UCN3: variants seen among roughly 807,000 people sequenced by gnomAD.
UCN3 encodes urocortin-3.
A neutral mutation model predicts 3.6 loss-of-function variants in UCN3; 3 were observed. The ratio of observed to expected loss-of-function variants is 0.83; its 90% CI spans 0.38 to 2.15. The LOEUF is 2.15. UCN3 is among the 30% of genes most tolerant of loss of function. UCN3 has a pLI of 0.06. For missense variants in UCN3, 206 were observed against 208.3 expected (o/e 0.99, Z 0.07); for synonymous variants, 100 against 93.2 (o/e 1.07, Z -0.42).
At chr10:5,370,862 C>CGCGTCTGTGTGCGTGT (rs1481819542) in intron 1 of UCN3, among the ~76,000 whole-genome samples, 1 of 45,332 alleles carries the variant, frequency 2.2e-5, no homozygotes, top group African/African-American at 9.6e-5. Context: ...CGTGTGTGTG[C>CGCGTCTGTGTGCGTGT]GTGTGTATGT....
At chr10:5,368,050 A>C (rs942262514) in intron 1 of UCN3, among the ~76,000 whole-genome samples, 1 of 152,054 alleles carries the variant, frequency 6.6e-6, no homozygotes, top group Middle Eastern at 3.4e-3. Context: ...TTCACCCAGG[A>C]TGGAGTGCAG....
rs1831471585 is a variant in UCN3, at chr10:5,374,171, G to A, written c.451G>A (p.Ala151Thr). The change falls in exon 2 of 2, where the codon GCC (alanine) becomes ACC (threonine). Residue 151 changes from alanine (A) to threonine (T), a missense_variant. Coordinates refer to ENST00000380433, the MANE Select transcript of UCN3 (RefSeq NM_053049.4). ...CCTGCGTGCCCAGGCGGCCGCCAATGCCCACCTGATGGCGCAAATTGGGAG... is the reference window on the plus strand; with the variant it reads ...CCTGCGTGCCCAGGCGGCCGCCAATACCCACCTGATGGCGCAAATTGGGAG... ...KNLRAQAAAN[A>T]HLMAQIGRKK The A allele has an allele frequency of 6.2e-7, 1 of 1,608,390 alleles. No homozygotes were observed. The highest frequency in any genetic ancestry group is 8.5e-7 in the Non-Finnish European group (1 of 1,177,356).
rs1205599484 is a variant in UCN3 at position 5,369,987 on chromosome 10, ATG to A, written c.-6-3722_-6-3721del. Among the ~76,000 whole-genome samples the A allele has an allele frequency of 2.3e-4, 4 of 17,296 alleles. 1 individual carries two copies. Among genetic ancestry groups the A allele is most frequent in the Admixed American group, 1.4e-3 (2 of 1,480 alleles). The allele number at this position is 17,296 out of a possible 152,430, so 11.3% of individuals were successfully genotyped here. ...TATGCGTGTGTATATGCGTGTGTAT[ATG>A]TGTGTATGTGTGTGTGTATGTGTGT... On this transcript the variant is annotated intron_variant, in intron 1 of 1. Transcript: ENST00000380433.
At chr10:5,371,933 A>C (rs141368539) in intron 1 of UCN3, among the ~76,000 whole-genome samples, 158 of 152,292 alleles carry the variant, frequency 1.0e-3, no homozygotes, top group Middle Eastern at 0.01. Context: ...AAAAGCCCTC[A>C]AATGTAAATA....
Position 5,373,852 on chromosome 10 carries a change from G to A in UCN3, c.132G>A (p.Glu44=). 6 of 1,614,140 alleles carry A rather than the reference G, an allele frequency of 3.7e-6. No individual in the cohort carries two copies. Among genetic ancestry groups the A allele is most frequent in the South Asian group, 1.1e-5 (1 of 91,084 alleles). ...TCAACACCGCCCTGTCTGAGGCTGA[G>A]AAGGGCCAGTGGGAGGATGCATCCC... The part of the protein sequence containing the change: ...SCLNTALSEA[E]KGQWEDASLL... Residue 44 remains glutamate, a synonymous_variant, in exon 2 of 2, where the codon GAG becomes GAA. Transcript: ENST00000380433.
rs1831380241 is a variant in UCN3 at position 5,370,626 on chromosome 10, CGTGTGTATGTGT to C, written c.-6-3084_-6-3073del. ...ATGCGTGTGTATATGCGTGTATATG[CGTGTGTATGTGT>C]GTGTATATGTGTGTGTATGTGTGTG... On this transcript the variant is annotated intron_variant, in intron 1 of 1. Transcript: ENST00000380433. Among the ~76,000 whole-genome samples, 6 of 22,796 alleles carry C rather than the reference CGTGTGTATGTGT, an allele frequency of 2.6e-4. No homozygotes were observed. In the East Asian group the frequency reaches 0.012, roughly 46 times the overall value. The allele number at this position is 22,796 out of a possible 152,430, so 15.0% of individuals were successfully genotyped here.
At position 5,370,860 on chromosome 10, in the gene UCN3, TGC is replaced by T. The variant is rs1564443689; in HGVS notation, c.-6-2853_-6-2852del. On this transcript the variant is annotated intron_variant, in intron 1 of 1. Coordinates refer to ENST00000380433, the MANE Select transcript of UCN3 (RefSeq NM_053049.4). ...GTGCGCGTGTGTGTGCGCGTGTGTGTGCGTGTGTATGTGTGTGTATATGCGTG... is the reference window on the plus strand; with the variant it reads ...GTGCGCGTGTGTGTGCGCGTGTGTGTGTGTGTATGTGTGTGTATATGCGTG... Among the ~76,000 whole-genome samples the T allele has an allele frequency of 7.6e-3, 928 of 122,374 alleles. 69 individuals are homozygous for T. Among genetic ancestry groups the T allele is most frequent in the South Asian group, 0.03 (93 of 3,084 alleles). The allele number at this position is 122,374 out of a possible 152,430, so 80.3% of individuals were successfully genotyped here.
At chr10:5,373,497 C>G (rs1554811713) in intron 1 of UCN3, among the ~76,000 whole-genome samples, 2 of 152,120 alleles carry the variant, frequency 1.3e-5, no homozygotes, top group African/African-American at 2.4e-5. Context: ...GGCAGCTGGG[C>G]CCCAGAGCTT....
In UCN3 at chr10:5,370,836, TGCGC is replaced by T. The variant is rs1360858359; in HGVS notation, c.-6-2877_-6-2874del. On this transcript the variant is annotated intron_variant, in intron 1 of 1. Transcript: ENST00000380433. ...GTGCGTGTGTGTGCGCGCGTGTGTG[TGCGC>T]GTGTGTGTGCGCGTGTGTGTGCGTG... Among the ~76,000 whole-genome samples the T allele has an allele frequency of 1.7e-4, 18 of 104,010 alleles. 1 individual carries two copies. The East Asian group carries it at 2.4e-3, about 14-fold the overall frequency. The allele number at this position is 104,010 out of a possible 152,430, so 68.2% of individuals were successfully genotyped here.
At chr10:5,368,626 C>T (rs1005183679) in intron 1 of UCN3, among the ~76,000 whole-genome samples, 5 of 152,134 alleles carry the variant, frequency 3.3e-5, no homozygotes, top group Non-Finnish European at 7.4e-5. Flanking sequence ...CCAGTATTAA[C>T]CTTTCCAAAT....
chr10:5,371,191 G>A (rs111163841), intron 1 of UCN3, among the ~76,000 whole-genome samples: 29,114 of 150,580 alleles, frequency 0.19, 3,551 homozygotes, highest in South Asian at 0.32. Context: ...ATATGTGTAC[G>A]TGTGAGGTGT....
At position 5,365,731 on chromosome 10, in the gene UCN3, G is replaced by A. The variant is rs1406886601; in HGVS notation, c.-7+501G>A. On this transcript the variant is annotated intron_variant, in intron 1 of 1. Coordinates refer to ENST00000380433, the MANE Select transcript of UCN3 (RefSeq NM_053049.4). This position sits in a 1 kb window ranked among gnomAD's most constrained non-coding sequence, Gnocchi z 4.4. ...CGTCACTCTCGGGCACACCTGTGAAGCAGGTAACGTCTCCTTCCTAGGACG... is the reference window on the plus strand; with the variant it reads ...CGTCACTCTCGGGCACACCTGTGAAACAGGTAACGTCTCCTTCCTAGGACG... 6.6e-6 allele frequency among the ~76,000 whole-genome samples: 1 copy of A among 152,192 alleles called. No individual in the cohort carries two copies. Among genetic ancestry groups the A allele is most frequent in the Non-Finnish European group, 1.5e-5 (1 of 68,036 alleles).
chr10:5,370,822 TGC>T (rs782485167), intron 1 of UCN3, among the ~76,000 whole-genome samples: 6,857 of 103,678 alleles, frequency 0.066, 829 homozygotes, highest in South Asian at 0.14. Context: ...TGCGTGTGTG[TGC>T]GCGCGTGTGT....
Position 5,373,739 on chromosome 10 carries a change from T to C in UCN3, c.19T>C (p.Phe7Leu). ...GGGAGAGATGCTGATGCCGGTCCAC[T>C]TCCTGCTGCTCCTGCTGCTGCTCCT... MLMPVH[F>L]LLLLLLLLGG... The change falls in exon 2 of 2, where the codon TTC becomes CTC. Residue 7 changes from phenylalanine to leucine, a missense_variant. Physicochemically the swap from Phe to Leu is conservative, Grantham distance 22. Coordinates refer to ENST00000380433, the MANE Select transcript of UCN3 (RefSeq NM_053049.4). 6.2e-7 allele frequency: 1 copy of C among 1,613,774 alleles called. No homozygotes were observed. Among genetic ancestry groups the C allele is most frequent in the Non-Finnish European group, 8.5e-7 (1 of 1,179,844 alleles).
chr10:5,369,631 G>T (rs1471936036), intron 1 of UCN3, among the ~76,000 whole-genome samples: 1 of 152,166 alleles, frequency 6.6e-6, no homozygotes, highest in Non-Finnish European at 1.5e-5. Context: ...TCATAGGTTT[G>T]GACTATTTAA....
At chr10:5,371,446 T>C (rs1831427352) in intron 1 of UCN3, among the ~76,000 whole-genome samples, 1 of 152,088 alleles carries the variant, frequency 6.6e-6, no homozygotes, top group Non-Finnish European at 1.5e-5. Flanking sequence ...GTCCTGTGTG[T>C]GTGTCTGTTT....
intron 1 of UCN3, among the ~76,000 whole-genome samples, chr10:5,372,112 A>G (rs79623066): frequency 0.047 from 7,168 of 152,234 alleles, 545 homozygotes; most frequent in African/African-American, 0.16. Context: ...TCACTGTTTC[A>G]TCCTTGTGCA....
chr10:5,371,324 T>G (rs1422615806), intron 1 of UCN3, among the ~76,000 whole-genome samples: 2 of 149,008 alleles, frequency 1.3e-5, no homozygotes, highest in Non-Finnish European at 2.9e-5. Flanking sequence ...TATGTACGTG[T>G]AAGGTGTGTA....
chr10:5,370,906 TGC>T (rs782172181), intron 1 of UCN3, among the ~76,000 whole-genome samples: 8 of 147,616 alleles, frequency 5.4e-5, no homozygotes, highest in East Asian at 4.0e-4. Flanking sequence ...CGTGTGTATA[TGC>T]GTGTGTATAT....
Sources: gnomAD v4.1 joint callset for allele counts (sites outside exome capture counted in the v4.1 genomes callset) on GRCh38, gnomAD v4.1.1 for gene constraint, Gnocchi (gnomAD v3.1) non-coding constraint, MANE v1.5 for transcripts, NCBI Gene and HGNC (gene_info 2026-07-23, HGNC 2026-07-21) for gene names.